The following CUL2 variants were observed in gnomAD, a reference collection of about 807,000 sequenced individuals.
CUL2 encodes the protein cullin-2.
A neutral mutation model predicts 110.2 loss-of-function variants in CUL2; 22 were observed. That is an observed-to-expected ratio of 0.20 (90% CI 0.14 to 0.28). The LOEUF (loss-of-function observed/expected upper bound fraction) is 0.28, where lower values mean the gene tolerates loss of function less well. CUL2 is among the 10% of genes least tolerant of loss of function. The pLI is 1.00. For synonymous variants in CUL2, 279 were observed against 293.2 expected (o/e 0.95, Z 0.49); for missense variants, 631 against 905.5 (o/e 0.70, Z 3.89).
chr10:35,022,873 CGTCTCTA>C (rs2085237425), intron 17 of CUL2, among the ~76,000 whole-genome samples: 2 of 148,710 alleles, frequency 1.3e-5, no homozygotes, highest in African/African-American at 2.5e-5. Flanking sequence ...GGTGAAACAC[CGTCTCTA>C]CTAAAAATAC....
intron 2 of CUL2, among the ~76,000 whole-genome samples, chr10:35,064,586 A>G (rs1187367098): frequency 6.6e-6 from 1 of 152,166 alleles, no homozygotes; most frequent in African/African-American, 2.4e-5. Context: ...CACATGCTCC[A>G]TTTACCTAGC....
chr10:35,092,919 G>A (rs1231172026), upstream of CUL2, among the ~76,000 whole-genome samples: 1 of 152,044 alleles, frequency 6.6e-6, no homozygotes, highest in Non-Finnish European at 1.5e-5. Flanking sequence ...TTACTGCTCA[G>A]GGGTCATGTG....
rs569013973 is a variant in CUL2, at chr10:35,059,951, A to G, written c.317+923T>C. ...TGCAACATTTACTAAAAGTTCACAA[A>G]TAGCACCAATTTAATAGTACTAATT... is the stretch of plus-strand genomic sequence containing the variant. On this transcript the variant is annotated intron_variant, in intron 4 of 20. Transcript: ENST00000374749. Among the ~76,000 whole-genome samples, 7 of 152,356 alleles carry G rather than the reference A, an allele frequency of 4.6e-5. No individual in the cohort carries two copies. The South Asian group carries it at 1.4e-3, about 32-fold the overall frequency.
intron 16 of CUL2, among the ~76,000 whole-genome samples, chr10:35,025,501 C>T (rs956848477): frequency 3.9e-5 from 6 of 152,142 alleles, no homozygotes; most frequent in Admixed American, 3.9e-4. Flanking sequence ...CTGAATAATA[C>T]TAACATGGAC....
At chr10:35,052,907 G>GA (rs576908955) in intron 5 of CUL2, among the ~76,000 whole-genome samples, 36 of 134,490 alleles carry the variant, frequency 2.7e-4, no homozygotes, top group Middle Eastern at 3.6e-3. Context: ...AAAAAAAAAA[G>GA]AAAAAAAAAA....
intron 1 of CUL2, among the ~76,000 whole-genome samples, chr10:35,112,446 G>A (rs1165015422): frequency 6.6e-6 from 1 of 152,206 alleles, no homozygotes. Flanking sequence ...CAGGTAAAGG[G>A]AACCCAGACA....
At chr10:35,071,078 G>C in intron 2 of CUL2, 121 bp downstream of exon 2, 1 of 917,906 alleles carries the variant, frequency 1.1e-6, no homozygotes, top group South Asian at 1.7e-5. Context: ...TGGAAATGTA[G>C]ATGATAATAT....
At position 35,011,836 on chromosome 10, in the gene CUL2, CCCT is replaced by C. The variant is rs1449669655; in HGVS notation, c.2106+9_2106+11del. Reference sequence around the variant, plus strand: ...CTACCCTAAGAAGCCCTGAGGACTGCCCTCCTTTTACCTCTTGAATAAGGGCAT... The same window carrying C: ...CTACCCTAAGAAGCCCTGAGGACTGCCCTTTTACCTCTTGAATAAGGGCAT... On this transcript the variant is annotated intron_variant, in intron 20 of 20. Coordinates refer to ENST00000374749, the MANE Select transcript of CUL2 (RefSeq NM_003591.4). 1 of 1,486,912 alleles carries C rather than the reference CCCT, an allele frequency of 6.7e-7. No homozygotes were observed. Among genetic ancestry groups the C allele is most frequent in the African/African-American group, 1.4e-5 (1 of 72,486 alleles). 92.1% of individuals were successfully genotyped at this position (1,486,912 alleles called of 1,614,324 possible). A position where few individuals can be genotyped will look rare whatever the true frequency, so the allele number is the denominator to read the frequency against.
chr10:35,074,287 A>G, intron 1 of CUL2: 11 of 1,189,554 alleles, frequency 9.2e-6, no homozygotes, highest in Non-Finnish European at 1.3e-5. Flanking sequence ...CAACTGCAAC[A>G]TGGCACCCAA....
chr10:35,034,641 T>C (rs964474143), intron 10 of CUL2, among the ~76,000 whole-genome samples: 1 of 152,226 alleles, frequency 6.6e-6, no homozygotes, highest in African/African-American at 2.4e-5. Flanking sequence ...GTACAAACTG[T>C]TACAGTCATG....
chr10:35,047,607 C>CA (rs61467648), intron 6 of CUL2, among the ~76,000 whole-genome samples: 43,161 of 119,920 alleles, frequency 0.36, 6,917 homozygotes, highest in Middle Eastern at 0.41. Context: ...AAGACTGTCT[C>CA]AAAAAAAAAA....
chr10:35,082,948 A>G (rs1430062262), intron 1 of CUL2, among the ~76,000 whole-genome samples: 1 of 152,142 alleles, frequency 6.6e-6, no homozygotes, highest in Admixed American at 6.6e-5. Flanking sequence ...ACTTGAGGTC[A>G]GGAGTTTGAG....
At chr10:35,044,503 T>C (rs1259433803) in intron 8 of CUL2, 63 bp downstream of exon 8, 10 of 1,013,686 alleles carry the variant, frequency 9.9e-6, no homozygotes, top group Non-Finnish European at 1.4e-5. Flanking sequence ...CTAAGAACGA[T>C]GTTAAATAAA....
chr10:35,091,880 A>G (rs1453838416), upstream of CUL2, among the ~76,000 whole-genome samples: 1 of 151,932 alleles, frequency 6.6e-6, no homozygotes, highest in Admixed American at 6.6e-5. Context: ...CACCCACCTC[A>G]GCCTCCCAAA....
At chr10:35,085,922 C>T (rs1310073357) in intron 1 of CUL2, among the ~76,000 whole-genome samples, 8 of 152,118 alleles carry the variant, frequency 5.3e-5, no homozygotes, top group Admixed American at 3.3e-4. Context: ...ACCTGAGTGA[C>T]GGGATCATTG....
chr10:35,112,850 A>T (rs1323947303), intron 1 of CUL2, among the ~76,000 whole-genome samples: 3 of 152,182 alleles, frequency 2.0e-5, no homozygotes, highest in Non-Finnish European at 4.4e-5. Flanking sequence ...ATCTTAAAAT[A>T]AAATTTTAAA....
At position 35,044,791 on chromosome 10, in the gene CUL2, T is replaced by C. The variant is rs2085892397; in HGVS notation, c.584A>G (p.Lys195Arg). Reference sequence around the variant, plus strand: ...GTTTACCTTTAAGGGGAATTTTTTCTTATACTGTTCAACATGAACAAAGGA... The same window carrying C: ...GTTTACCTTTAAGGGGAATTTTTTCCTATACTGTTCAACATGAACAAAGGA... ...INSFVHVEQYKKKFPLKFYQE... is the reference protein window; with the variant it reads ...INSFVHVEQYRKKFPLKFYQE... Residue 195 changes from lysine (K) to arginine (R), a missense_variant, in exon 7 of 21, where the codon AAG becomes AGG. By Grantham distance (26) the Lys-to-Arg change is conservative. Transcript: ENST00000374749. The C allele has an allele frequency of 6.2e-7, 1 of 1,612,488 alleles. No individual in the cohort carries two copies. Among genetic ancestry groups the C allele is most frequent in the Non-Finnish European group, 8.5e-7 (1 of 1,179,334 alleles).
At chr10:35,038,523 C>G (rs896897696) in intron 9 of CUL2, among the ~76,000 whole-genome samples, 3 of 4,296 alleles carry the variant, frequency 7.0e-4, no homozygotes, top group Non-Finnish European at 1.5e-3. Context: ...GAGACTCTGT[C>G]TCAAAAAAAA....
intron 17 of CUL2, among the ~76,000 whole-genome samples, chr10:35,024,135 A>G (rs1390949584): frequency 6.6e-6 from 1 of 152,156 alleles, no homozygotes; most frequent in African/African-American, 2.4e-5. Flanking sequence ...GCACCTAGCC[A>G]AAAGTCAAAT....
Sources: allele counts gnomAD v4.1 joint callset (sites outside exome capture counted in the v4.1 genomes callset), GRCh38; gene constraint gnomAD v4.1.1; transcripts MANE v1.5; gene names NCBI Gene and HGNC (gene_info 2026-07-23, HGNC 2026-07-21).